WDFY4: variants seen among roughly 807,000 people sequenced by gnomAD.
WDFY4 encodes WD repeat- and FYVE domain-containing protein 4.
WDFY4 carries 169 observed loss-of-function variants against 351.9 expected under a neutral mutation model. The ratio of observed to expected loss-of-function variants is 0.48; its 90% confidence interval spans 0.42 to 0.55. WDFY4 has a LOEUF of 0.55. Among genes scored for constraint, WDFY4 ranks in the 20% least tolerant of loss-of-function variants. WDFY4 has a pLI of 0.00. For missense variants in WDFY4, 3,803 were observed against 3,935.6 expected (o/e 0.97, Z 0.90); for synonymous variants, 1,622 against 1,574.6 (o/e 1.03, Z -0.71).
At chr10:48,755,203 G>A (rs913109877) in intron 12 of WDFY4, among the ~76,000 whole-genome samples, 10 of 152,022 alleles carry the variant, frequency 6.6e-5, no homozygotes, top group African/African-American at 2.2e-4. Flanking sequence ...GGCTTCTTTC[G>A]CTCAGCATAA....
chr10:48,832,626 G>A lies in WDFY4; in HGVS notation c.6580G>A (p.Val2194Ile), dbSNP rs994125590. ...TTCAAATGTTGCACACCACAGCAAA[G>A]TCACTTTGTGGAGTGGAAGCCTGTC... Reference protein sequence around the residue: ...SRSNVAHHSKVTLWSGSLSSA... With the variant: ...SRSNVAHHSKITLWSGSLSSA... Residue 2194 changes from valine (V) to isoleucine (I), a missense_variant, in exon 39 of 62, where the codon GTC (valine) becomes ATC (isoleucine). Physicochemically the swap from Val to Ile is conservative, Grantham distance 29. Coordinates refer to ENST00000325239, the MANE Select transcript of WDFY4 (RefSeq NM_001394531.1). 3 of 1,551,244 alleles carry A rather than the reference G, an allele frequency of 1.9e-6. No individual in the cohort carries two copies. The highest frequency in any genetic ancestry group is 1.7e-6 in the Non-Finnish European group (2 of 1,146,728).
intron 39 of WDFY4, among the ~76,000 whole-genome samples, chr10:48,866,811 A>G (rs2069560908): frequency 6.6e-6 from 1 of 152,214 alleles, no homozygotes; most frequent in South Asian, 2.1e-4. Context: ...CTGTATTTAT[A>G]TGAATCTCAT....
intron 28 of WDFY4, 109 bp from the exon 29 acceptor site, chr10:48,810,421 C>T (rs2067407527): frequency 4.8e-6 from 5 of 1,031,814 alleles, no homozygotes; most frequent in Admixed American, 3.0e-5. Flanking sequence ...TGATGTTAAC[C>T]TTAACTTGCC....
chr10:48,889,845 T>G (rs2070620533), intron 43 of WDFY4, among the ~76,000 whole-genome samples: 1 of 152,192 alleles, frequency 6.6e-6, no homozygotes, highest in Admixed American at 6.5e-5. Flanking sequence ...GCTCTAGGTT[T>G]GGGATGGTTG....
chr10:48,945,396 A>T (rs988834565), intron 49 of WDFY4, among the ~76,000 whole-genome samples: 3 of 152,070 alleles, frequency 2.0e-5, no homozygotes, highest in Non-Finnish European at 4.4e-5. Context: ...AAAGAAGGAG[A>T]GATACACAGG....
intron 11 of WDFY4, among the ~76,000 whole-genome samples, chr10:48,741,918 A>G (rs760100941): frequency 6.6e-5 from 10 of 152,338 alleles, no homozygotes; most frequent in Middle Eastern, 3.4e-3. Context: ...ATGGAGTCCA[A>G]TGCAATTTAT....
At chr10:48,809,211 CCAT>C (rs1238875921) in intron 28 of WDFY4, among the ~76,000 whole-genome samples, 13 of 150,138 alleles carry the variant, frequency 8.7e-5, no homozygotes, top group South Asian at 6.4e-4. Flanking sequence ...ATCACCACCA[CCAT>C]CATCACCACC....
intron 28 of WDFY4, among the ~76,000 whole-genome samples, chr10:48,808,413 G>A (rs141480410): frequency 1.3e-3 from 203 of 152,274 alleles, no homozygotes; most frequent in Non-Finnish European, 2.4e-3. Context: ...AGTATCTACC[G>A]TCAATTAACT....
intron 12 of WDFY4, among the ~76,000 whole-genome samples, chr10:48,754,888 A>T (rs942718777): frequency 6.6e-6 from 1 of 152,194 alleles, no homozygotes; most frequent in African/African-American, 2.4e-5. Context: ...AGGGTGTTGG[A>T]AAACTGGGTG....
At chr10:48,921,577 A>C (rs557075457) in intron 47 of WDFY4, among the ~76,000 whole-genome samples, 1 of 143,066 alleles carries the variant, frequency 7.0e-6, no homozygotes, top group South Asian at 2.3e-4. Context: ...GATAGTATTA[A>C]TAAGTTGAAC....
At chr10:48,879,226 C>G (rs2070149487) in intron 43 of WDFY4, among the ~76,000 whole-genome samples, 1 of 152,232 alleles carries the variant, frequency 6.6e-6, no homozygotes, top group African/African-American at 2.4e-5. Flanking sequence ...CAACTCTACC[C>G]CACAAGGAAC....
At chr10:48,933,113 A>G (rs1445633107) in intron 47 of WDFY4, among the ~76,000 whole-genome samples, 2 of 152,166 alleles carry the variant, frequency 1.3e-5, no homozygotes, top group Non-Finnish European at 2.9e-5. Flanking sequence ...GGCATGGCAG[A>G]GGAGGGACCA....
chr10:48,721,064 G>A (rs568809602), intron 3 of WDFY4, among the ~76,000 whole-genome samples, 197 bp from the exon 4 acceptor site: 2 of 152,168 alleles, frequency 1.3e-5, no homozygotes, highest in Non-Finnish European at 2.9e-5. Context: ...CACAAAAAAC[G>A]CTGTCTTCCA....
At chr10:48,848,519 C>T (rs2068852943) in intron 39 of WDFY4, among the ~76,000 whole-genome samples, 1 of 152,194 alleles carries the variant, frequency 6.6e-6, no homozygotes, top group Non-Finnish European at 1.5e-5. Context: ...GTGGCGTCAG[C>T]AGGTCATGCT....
intron 1 of WDFY4, among the ~76,000 whole-genome samples, chr10:48,699,089 C>T (rs959825063): frequency 1.3e-5 from 2 of 152,216 alleles, no homozygotes; most frequent in Admixed American, 1.3e-4. Context: ...CCTCCACAGA[C>T]AGCCACGCTC....
intron 12 of WDFY4, among the ~76,000 whole-genome samples, chr10:48,748,072 G>A (rs1318211156): frequency 1.3e-5 from 2 of 152,148 alleles, no homozygotes; most frequent in Non-Finnish European, 2.9e-5. Context: ...CTATATTTCA[G>A]GGGCAATCCC....
At chr10:48,837,555 A>AAC (rs1245984556) in intron 39 of WDFY4, among the ~76,000 whole-genome samples, 2 of 152,184 alleles carry the variant, frequency 1.3e-5, no homozygotes, top group Non-Finnish European at 2.9e-5. Flanking sequence ...GAACAGCGAT[A>AAC]ACACACAGAA....
rs35097362 is a variant in WDFY4, at chr10:48,696,567, C to T, written c.-18+11566C>T. 3.6e-3 allele frequency among the ~76,000 whole-genome samples: 547 copies of T among 152,372 alleles called. 1 individual carries two copies. The highest frequency in any genetic ancestry group is 5.1e-3 in the Non-Finnish European group (349 of 68,034). ...AACAAACCAGCTCCTTGTGAGGAGA[C>T]CCGAGATTGGACAGACTCAGCGGCC... On this transcript the variant is annotated intron_variant, in intron 1 of 61. Transcript: ENST00000325239.
At chr10:48,840,425 TACACACAC>T (rs10637501) in intron 39 of WDFY4, among the ~76,000 whole-genome samples, 2 of 145,734 alleles carry the variant, frequency 1.4e-5, no homozygotes, top group African/African-American at 5.1e-5. Context: ...CACATACACA[TACACACAC>T]ACACACACAC....
Sources: allele counts gnomAD v4.1 joint callset (sites outside exome capture counted in the v4.1 genomes callset), GRCh38; gene constraint gnomAD v4.1.1; transcripts MANE v1.5; gene names NCBI Gene and HGNC (gene_info 2026-07-23, HGNC 2026-07-21).